Variants in CDK15 observed in about 807,000 individuals in gnomAD.
CDK15 encodes the protein cyclin-dependent kinase 15.
In CDK15, 62 loss-of-function variants were observed where a neutral mutation model predicts 60.3. That is an observed-to-expected ratio of 1.03 (90% CI 0.84 to 1.27). The LOEUF (loss-of-function observed/expected upper bound fraction) is 1.27. CDK15 is among the 50% of genes most tolerant of loss of function. The pLI is 0.00. For missense variants in CDK15, 541 were observed against 527.8 expected (o/e 1.03, Z -0.25); for synonymous variants, 194 against 195.7 (o/e 0.99, Z 0.07).
Position 201,817,202 on chromosome 2 carries a change from A to G in CDK15, c.448+4640A>G, listed in dbSNP as rs971716570. On this transcript the variant is annotated intron_variant, in intron 4 of 13. Coordinates refer to ENST00000652192, the MANE Select transcript of CDK15 (RefSeq NM_001366386.2). ...CCCTGCCTCACTTTGAGAAATTTCT[A>G]AACTGTTTTCCACAGTGGCTGAACT... Among the ~76,000 whole-genome samples the G allele has an allele frequency of 1.6e-4, 25 of 152,192 alleles. 1 individual carries two copies. The highest frequency in any genetic ancestry group is 6.0e-4 in the African/African-American group (25 of 41,436).
At chr2:201,848,617 T>C (rs1414614312) in intron 9 of CDK15, among the ~76,000 whole-genome samples, 2 of 152,288 alleles carry the variant, frequency 1.3e-5, no homozygotes, top group East Asian at 3.9e-4. Flanking sequence ...AATTGGCCTA[T>C]TCTAGGTACC....
At chr2:201,873,338 T>G (rs1698932190) in intron 11 of CDK15, among the ~76,000 whole-genome samples, 1 of 152,174 alleles carries the variant, frequency 6.6e-6, no homozygotes, top group Admixed American at 6.5e-5. Context: ...ACCTGAAACC[T>G]TTTGGAGACA....
intron 8 of CDK15, among the ~76,000 whole-genome samples, chr2:201,841,908 C>T (rs1697402711): frequency 6.6e-6 from 1 of 152,112 alleles, no homozygotes; most frequent in Non-Finnish European, 1.5e-5. Flanking sequence ...TAAAAGATTC[C>T]ATTAGTGACT....
intron 9 of CDK15, among the ~76,000 whole-genome samples, chr2:201,850,535 C>T (rs1049110391): frequency 1.8e-4 from 27 of 152,142 alleles, no homozygotes; most frequent in African/African-American, 3.6e-4. Context: ...AGCTGCTGAA[C>T]GTGATGACTT....
intron 8 of CDK15, among the ~76,000 whole-genome samples, chr2:201,844,109 T>TG (rs945164730): frequency 1.3e-5 from 2 of 152,204 alleles, no homozygotes; most frequent in Non-Finnish European, 2.9e-5. Flanking sequence ...TGTGAGCTCC[T>TG]GGGGTTTCTG....
chr2:201,849,409 T>C (rs1697808872), intron 9 of CDK15, among the ~76,000 whole-genome samples: 1 of 152,240 alleles, frequency 6.6e-6, no homozygotes, highest in Non-Finnish European at 1.5e-5. Flanking sequence ...ATTGCAGTTC[T>C]GATGCTGCAA....
chr2:201,862,778 G>T (rs374494825), intron 10 of CDK15, among the ~76,000 whole-genome samples: 1 of 152,142 alleles, frequency 6.6e-6, no homozygotes, highest in Non-Finnish European at 1.5e-5. Context: ...CAAGTGGGTC[G>T]TAGCCGTATT....
intron 11 of CDK15, among the ~76,000 whole-genome samples, chr2:201,877,986 T>C (rs1699142825): frequency 6.6e-6 from 1 of 152,212 alleles, no homozygotes; most frequent in African/African-American, 2.4e-5. Flanking sequence ...AGGGAAATAA[T>C]ATCTGATCTT....
intron 8 of CDK15, among the ~76,000 whole-genome samples, chr2:201,836,704 C>G (rs1227150831): frequency 3.3e-5 from 5 of 151,406 alleles, no homozygotes; most frequent in African/African-American, 1.2e-4. Context: ...CCCCAAACCA[C>G]AGACACACAG....
At chr2:201,863,075 T>C (rs1698460976) in intron 10 of CDK15, among the ~76,000 whole-genome samples, 1 of 152,228 alleles carries the variant, frequency 6.6e-6, no homozygotes, top group Admixed American at 6.5e-5. Flanking sequence ...GTCTCACTTC[T>C]GGAGCGCTGC....
intron 13 of CDK15, among the ~76,000 whole-genome samples, chr2:201,892,057 T>C (rs964216181): frequency 1.3e-5 from 2 of 152,242 alleles, no homozygotes; most frequent in Non-Finnish European, 2.9e-5. Context: ...GATATCGGCT[T>C]CCTGGCTCTT....
intron 8 of CDK15, among the ~76,000 whole-genome samples, chr2:201,837,380 G>C (rs147991162): frequency 8.8e-6 from 1 of 113,254 alleles, no homozygotes. Flanking sequence ...GGGGAGAGAG[G>C]GGGAGAAGGG....
At chr2:201,872,237 G>A (rs201917344) in intron 10 of CDK15, 41 bp from the exon 11 acceptor site, 72 of 1,606,052 alleles carry the variant, frequency 4.5e-5, no homozygotes, top group Middle Eastern at 1.6e-4. Flanking sequence ...CAGGGTTTTC[G>A]GGTGGATTTT....
chr2:201,831,916 C>A (rs1388184030), intron 6 of CDK15, among the ~76,000 whole-genome samples: 2 of 152,186 alleles, frequency 1.3e-5, no homozygotes, highest in Non-Finnish European at 2.9e-5. Context: ...TTACATTGAG[C>A]CCTGGTTTTC....
At chr2:201,873,792 C>G (rs1698954619) in intron 11 of CDK15, among the ~76,000 whole-genome samples, 1 of 152,214 alleles carries the variant, frequency 6.6e-6, no homozygotes, top group African/African-American at 2.4e-5. Flanking sequence ...GTGGCTTACG[C>G]CTGTAATCCC....
At chr2:201,888,044 T>C (rs1699520659) in intron 12 of CDK15, among the ~76,000 whole-genome samples, 1 of 151,960 alleles carries the variant, frequency 6.6e-6, no homozygotes, top group African/African-American at 2.4e-5. Flanking sequence ...TTTTTTTTTT[T>C]TTTTTTTGCT....
intron 12 of CDK15, among the ~76,000 whole-genome samples, chr2:201,883,179 A>C (rs1298115128): frequency 6.6e-6 from 1 of 152,192 alleles, no homozygotes; most frequent in Admixed American, 6.5e-5. Context: ...TCATTTTATT[A>C]TTCTGATTTT....
At chr2:201,833,059 G>A (rs530359594) in intron 6 of CDK15, among the ~76,000 whole-genome samples, 1 of 152,224 alleles carries the variant, frequency 6.6e-6, no homozygotes, top group East Asian at 1.9e-4. Context: ...CCTAGTTAAT[G>A]GCTTTGGTTT....
chr2:201,894,072 AC>A lies in CDK15; in HGVS notation c.*807del, dbSNP rs1699710948. 1 of 72,326 alleles carries A rather than the reference AC, an allele frequency of 1.4e-5. No homozygotes were observed. Among genetic ancestry groups the A allele is most frequent in the Non-Finnish European group, 2.5e-5 (1 of 39,890 alleles). The allele number at this position is 72,326 out of a possible 1,614,324, so 4.5% of individuals were successfully genotyped here. A position where few individuals can be genotyped will look rare whatever the true frequency, so the allele number is the denominator to read the frequency against. On this transcript the variant is annotated 3_prime_UTR_variant, in exon 14 of 14. Coordinates refer to ENST00000652192, the MANE Select transcript of CDK15 (RefSeq NM_001366386.2). ...GATGTAATTTAAGCCCTGTTGCACC[AC>A]CACACACACACACACACACACACAC...
Sources: allele counts gnomAD v4.1 joint callset (sites outside exome capture counted in the v4.1 genomes callset), GRCh38; gene constraint gnomAD v4.1.1; transcripts MANE v1.5; gene names NCBI Gene and HGNC (gene_info 2026-07-23, HGNC 2026-07-21).